The following TAFA5 variants were observed in gnomAD, a reference collection of about 807,000 sequenced individuals.
TAFA5 encodes the protein chemokine-like protein TAFA-5.
In TAFA5, 6 loss-of-function variants were observed where a neutral mutation model predicts 15.3. The ratio of observed to expected loss-of-function variants is 0.39; its 90% CI spans 0.21 to 0.77. TAFA5 has a LOEUF of 0.77. Ranked by LOEUF, TAFA5 falls within the 30% of genes least tolerant of loss-of-function variation. The pLI is 0.41. For synonymous variants in TAFA5, 103 were observed against 80.7 expected (o/e 1.28, Z -1.48); for missense variants, 161 against 193.1 (o/e 0.83, Z 0.98).
chr22:48,499,344 G>A (rs1920940969), intron 1 of TAFA5, among the ~76,000 whole-genome samples: 1 of 152,144 alleles, frequency 6.6e-6, no homozygotes, highest in Non-Finnish European at 1.5e-5. Flanking sequence ...TTTCCAGGAG[G>A]TGGCTGAGTC....
At chr22:48,573,244 T>A (rs1923648800) in intron 1 of TAFA5, among the ~76,000 whole-genome samples, 1 of 152,234 alleles carries the variant, frequency 6.6e-6, no homozygotes, top group African/African-American at 2.4e-5. Context: ...GATGTGGGCA[T>A]CCTTCTGTTG....
intron 1 of TAFA5, among the ~76,000 whole-genome samples, chr22:48,554,948 G>A (rs919791486): frequency 5.9e-5 from 9 of 152,190 alleles, no homozygotes; most frequent in African/African-American, 9.7e-5. Context: ...CTGTGTCCTC[G>A]GGAGTCCCTG....
intron 2 of TAFA5, among the ~76,000 whole-genome samples, chr22:48,656,233 G>A (rs112242390): frequency 9.6e-4 from 146 of 152,182 alleles, no homozygotes; most frequent in Middle Eastern, 3.4e-3. Flanking sequence ...ACCAGATTGC[G>A]AGAACCATGG....
intron 3 of TAFA5, among the ~76,000 whole-genome samples, chr22:48,723,302 T>C (rs996183033): frequency 2.0e-5 from 3 of 152,138 alleles, no homozygotes; most frequent in Non-Finnish European, 4.4e-5. Flanking sequence ...TCTTTAAAAA[T>C]GAAATAGAAG....
At chr22:48,682,056 A>G (rs1437082407) in intron 2 of TAFA5, among the ~76,000 whole-genome samples, 1 of 56,282 alleles carries the variant, frequency 1.8e-5, no homozygotes, top group Non-Finnish European at 6.0e-5. Context: ...TCAGCTTCCC[A>G]TCGATCCCAT....
chr22:48,533,165 C>T (rs553523203), intron 1 of TAFA5, among the ~76,000 whole-genome samples: 194 of 152,186 alleles, frequency 1.3e-3, no homozygotes, highest in Middle Eastern at 3.4e-3. Flanking sequence ...ATGGAGTGGC[C>T]GGGGTCTGAG....
At chr22:48,506,218 T>A (rs1309062765) in intron 1 of TAFA5, among the ~76,000 whole-genome samples, 2 of 152,202 alleles carry the variant, frequency 1.3e-5, no homozygotes, top group African/African-American at 4.8e-5. Flanking sequence ...TGACCTTTCA[T>A]GACTTGACCT....
At chr22:48,501,603 C>T (rs753879837) in intron 1 of TAFA5, among the ~76,000 whole-genome samples, 5 of 152,132 alleles carry the variant, frequency 3.3e-5, no homozygotes, top group Non-Finnish European at 7.4e-5. Flanking sequence ...GGGAAGGGCT[C>T]GGAAGGCTGA....
chr22:48,732,665 G>A (rs80279416), intron 3 of TAFA5, among the ~76,000 whole-genome samples: 4,283 of 152,272 alleles, frequency 0.028, 201 homozygotes, highest in African/African-American at 0.097. Context: ...ACAGTGCAGC[G>A]GCAGGTGTGA....
intron 1 of TAFA5, among the ~76,000 whole-genome samples, chr22:48,570,361 A>T (rs1923541166): frequency 6.6e-6 from 1 of 152,252 alleles, no homozygotes; most frequent in Non-Finnish European, 1.5e-5. Flanking sequence ...GGTATCTCAA[A>T]TCGCAGAATA....
chr22:48,619,191 G>T (rs1242916819), intron 1 of TAFA5, among the ~76,000 whole-genome samples: 2 of 152,138 alleles, frequency 1.3e-5, no homozygotes, highest in African/African-American at 4.8e-5. Context: ...TCTGCCCATG[G>T]TCAGTGGCCG....
chr22:48,592,190 C>T (rs1463306859), intron 1 of TAFA5, among the ~76,000 whole-genome samples: 1 of 152,198 alleles, frequency 6.6e-6, no homozygotes, highest in African/African-American at 2.4e-5. Context: ...TGTGCCAGTG[C>T]TGTGCCCAGG....
intron 3 of TAFA5, among the ~76,000 whole-genome samples, chr22:48,741,213 C>G (rs1930170115): frequency 6.6e-6 from 1 of 152,166 alleles, no homozygotes; most frequent in Non-Finnish European, 1.5e-5. Flanking sequence ...GATCCTGCCC[C>G]CCGTTCCCAC....
intron 1 of TAFA5, among the ~76,000 whole-genome samples, chr22:48,563,324 C>T (rs1923302042): frequency 6.6e-6 from 1 of 152,178 alleles, no homozygotes; most frequent in South Asian, 2.1e-4. Flanking sequence ...CCACCCCACA[C>T]TCCTCTAGAG....
At chr22:48,702,620 G>T (rs1217181731) in intron 2 of TAFA5, among the ~76,000 whole-genome samples, 1 of 152,160 alleles carries the variant, frequency 6.6e-6, no homozygotes, top group South Asian at 2.1e-4. Flanking sequence ...GGGTAATGAC[G>T]TTTGTCTGCC....
At chr22:48,565,137 C>A (rs1000980129) in intron 1 of TAFA5, among the ~76,000 whole-genome samples, 1 of 152,172 alleles carries the variant, frequency 6.6e-6, no homozygotes, top group Admixed American at 6.5e-5. Flanking sequence ...CAGGCGGGAG[C>A]GGACTCCCTG....
intron 1 of TAFA5, among the ~76,000 whole-genome samples, chr22:48,584,164 A>C (rs911658255): frequency 6.8e-6 from 1 of 147,180 alleles, no homozygotes; most frequent in African/African-American, 2.5e-5. Flanking sequence ...CACATACATC[A>C]TACACACACC....
At chr22:48,589,698 CAGAG>C (rs1491103102) in intron 1 of TAFA5, among the ~76,000 whole-genome samples, 1 of 139,970 alleles carries the variant, frequency 7.1e-6, no homozygotes, top group Non-Finnish European at 1.5e-5. Flanking sequence ...GAGAAGCAAA[CAGAG>C]AGGGGGCCTC....
chr22:48,651,888 G>A (rs573137451), intron 2 of TAFA5, among the ~76,000 whole-genome samples: 1 of 152,250 alleles, frequency 6.6e-6, no homozygotes, highest in Admixed American at 6.5e-5. Flanking sequence ...TTGCTGTGGG[G>A]ATGGGGACCA....
Sources: allele counts gnomAD v4.1 joint callset (sites outside exome capture counted in the v4.1 genomes callset), GRCh38; gene constraint gnomAD v4.1.1; transcripts MANE v1.5; gene names NCBI Gene and HGNC (gene_info 2026-07-23, HGNC 2026-07-21).